FGF13: variants seen among roughly 807,000 people sequenced by gnomAD.
FGF13 encodes fibroblast growth factor homologous factor 2.
A neutral mutation model predicts 19.5 loss-of-function variants in FGF13; 2 were observed. That is an observed-to-expected ratio of 0.10 (90% CI 0.04 to 0.32). The LOEUF (loss-of-function observed/expected upper bound fraction) is 0.32. Ranked by LOEUF, FGF13 falls within the 10% of genes least tolerant of loss-of-function variation. The pLI is 1.00. For missense variants in FGF13, 113 were observed against 192.7 expected (o/e 0.59, Z 2.45); for synonymous variants, 72 against 76.9 (o/e 0.94, Z 0.33).
intron 1 of FGF13, among the ~76,000 whole-genome samples, chrX:139,185,850 A>C (rs538046448): frequency 1.8e-5 from 2 of 112,292 alleles, no homozygotes; most frequent in Admixed American, 9.5e-5. Flanking sequence ...TATAAAGCAC[A>C]TAAGTGATTT....
intron 1 of FGF13, among the ~76,000 whole-genome samples, chrX:138,934,950 C>A (rs1424445700): frequency 1.8e-5 from 2 of 110,750 alleles, no homozygotes. Context: ...TAAACATAAT[C>A]TAGTGAGAAT....
chrX:138,892,141 G>A (rs1458193638), intron 1 of FGF13, among the ~76,000 whole-genome samples: 1 of 110,362 alleles, frequency 9.1e-6, no homozygotes, highest in Non-Finnish European at 1.9e-5. Flanking sequence ...TAGAGTGCAA[G>A]CACTTTTAGG....
chrX:138,657,640 T>C (rs1178824038), intron 3 of FGF13, among the ~76,000 whole-genome samples: 2 of 112,293 alleles, frequency 1.8e-5, no homozygotes, highest in Non-Finnish European at 3.8e-5. Flanking sequence ...GCTTTGACTA[T>C]ATACTTAAGG....
chrX:138,770,899 G>A (rs2090540237), intron 3 of FGF13, among the ~76,000 whole-genome samples: 1 of 111,596 alleles, frequency 9.0e-6, no homozygotes, highest in African/African-American at 3.3e-5. Flanking sequence ...GTGGGGTGGA[G>A]AAGGTGGGAA....
chrX:138,964,991 T>C (rs1464358762), intron 1 of FGF13, among the ~76,000 whole-genome samples: 3 of 111,504 alleles, frequency 2.7e-5, no homozygotes, highest in Non-Finnish European at 5.7e-5. Context: ...ACAAGTACAA[T>C]AGGTAGCTTG....
At chrX:138,819,873 G>A (rs1381785446) in intron 3 of FGF13, among the ~76,000 whole-genome samples, 1 of 111,626 alleles carries the variant, frequency 9.0e-6, no homozygotes, top group Non-Finnish European at 1.9e-5. Flanking sequence ...ACTTGAAGGT[G>A]GAATATTGTG....
At chrX:138,820,018 A>G (rs975373604) in intron 3 of FGF13, among the ~76,000 whole-genome samples, 4 of 111,716 alleles carry the variant, frequency 3.6e-5, no homozygotes, top group African/African-American at 1.3e-4. Flanking sequence ...GAGGCACTCA[A>G]CTTCTCAGGA....
chrX:138,982,151 G>A (rs1203061212), intron 1 of FGF13, among the ~76,000 whole-genome samples: 1 of 111,450 alleles, frequency 9.0e-6, no homozygotes, highest in Non-Finnish European at 1.9e-5. Flanking sequence ...AGGAATGCAG[G>A]TGTGACCAGA....
chrX:139,056,852 T>C (rs2092321908), intron 1 of FGF13, among the ~76,000 whole-genome samples: 1 of 112,386 alleles, frequency 8.9e-6, no homozygotes, highest in Non-Finnish European at 1.9e-5. Context: ...AGCTGCTTCT[T>C]TGATGTTCAA....
chrX:138,660,328 TCA>T (rs1269046887), intron 3 of FGF13, among the ~76,000 whole-genome samples: 1 of 111,687 alleles, frequency 9.0e-6, no homozygotes, highest in Admixed American at 9.5e-5. Flanking sequence ...GGCAAACAAG[TCA>T]CAGTCTTTTT....
chrX:138,964,244 T>C (rs1176968393), intron 1 of FGF13, among the ~76,000 whole-genome samples: 1 of 111,122 alleles, frequency 9.0e-6, no homozygotes, highest in African/African-American at 3.3e-5. Flanking sequence ...GGAAAGCCAA[T>C]GCAAATAAAG....
intron 1 of FGF13, among the ~76,000 whole-genome samples, chrX:138,900,512 T>C (rs1421928666): frequency 1.8e-5 from 2 of 111,125 alleles, no homozygotes; most frequent in Non-Finnish European, 3.8e-5. Flanking sequence ...CCAAATCTGA[T>C]CACTCTCATC....
chrX:138,827,607 T>A (rs1602922779), intron 3 of FGF13, among the ~76,000 whole-genome samples: 1 of 111,318 alleles, frequency 9.0e-6, no homozygotes, highest in African/African-American at 3.3e-5. Flanking sequence ...ACAGAATATG[T>A]GAAACTCAGG....
intron 3 of FGF13, among the ~76,000 whole-genome samples, chrX:138,766,511 T>C (rs1287622275): frequency 6.2e-5 from 7 of 112,300 alleles, no homozygotes; most frequent in Non-Finnish European, 1.1e-4. Context: ...TCTTTGCTAT[T>C]GCTAGTCAGA....
In FGF13 at chrX:138,895,361, C is replaced by A. The variant is rs757209503; in HGVS notation, c.-112-30711G>T. 3.6e-5 allele frequency among the ~76,000 whole-genome samples: 4 copies of A among 111,379 alleles called. No individual in the cohort carries two copies. The South Asian group carries it at 1.5e-3, about 42-fold the overall frequency. On this transcript the variant is annotated intron_variant, in intron 1 of 2. Coordinates refer to the FGF13 transcript ENST00000421460. ...AAAATGTATAGGGAATTCATACAAACAAAAAAGGAAACCCCAAATCATCTA... is the reference window on the plus strand; with the variant it reads ...AAAATGTATAGGGAATTCATACAAAAAAAAAAGGAAACCCCAAATCATCTA...
intron 1 of FGF13, among the ~76,000 whole-genome samples, chrX:138,735,868 C>T (rs1393391687): frequency 8.9e-6 from 1 of 112,203 alleles, no homozygotes; most frequent in African/African-American, 3.2e-5. Context: ...TTTAATACGT[C>T]TATTATAAGT....
chrX:138,616,213 C>A lies in FGF13; in HGVS notation c.*16637G>T, dbSNP rs1322252592. 8.9e-6 allele frequency: 1 copy of A among 112,194 alleles called. No individual in the cohort carries two copies. Among genetic ancestry groups the A allele is most frequent in the African/African-American group, 3.2e-5 (1 of 30,841 alleles). 9.2% of individuals were successfully genotyped at this position (112,194 alleles called of 1,213,427 possible). On this transcript the variant is annotated 3_prime_UTR_variant, in exon 5 of 5. Coordinates refer to ENST00000315930, the MANE Select transcript of FGF13 (RefSeq NM_004114.5). ...AAAGCAAGTCCCTTCCACCTATAAG[C>A]CTGTAAAATCTAAAGCAAGTTAGTT...
At chrX:138,698,895 G>A (rs1028690960) in intron 3 of FGF13, among the ~76,000 whole-genome samples, 2 of 111,876 alleles carry the variant, frequency 1.8e-5, no homozygotes, top group Non-Finnish European at 3.8e-5. Flanking sequence ...AAAAGCAGCC[G>A]TAGACAATAA....
chrX:139,078,735 C>G (rs147796659), intron 1 of FGF13, among the ~76,000 whole-genome samples: 2,290 of 112,604 alleles, frequency 0.02, 30 homozygotes, highest in Non-Finnish European at 0.03. Flanking sequence ...TCAATCTGCT[C>G]AGGCAAACAG....
Sources: allele counts gnomAD v4.1 joint callset (sites outside exome capture counted in the v4.1 genomes callset), GRCh38; gene constraint gnomAD v4.1.1; transcripts MANE v1.5; gene names NCBI Gene and HGNC (gene_info 2026-07-23, HGNC 2026-07-21).